Variants in EBF3 observed in about 807,000 individuals in gnomAD.
EBF3 encodes the protein EBF transcription factor 3, also known as transcription factor COE3.
In EBF3, 18 loss-of-function variants were observed where a neutral mutation model predicts 77.1. The observed-to-expected ratio is 0.23, with a 90% CI of 0.16 to 0.35. EBF3 has a LOEUF of 0.35. Ranked by LOEUF, EBF3 falls within the 10% of genes least tolerant of loss-of-function variation. The probability of loss-of-function intolerance (pLI) is 1.00; values close to 1 mark genes in which losing one functional copy is unlikely to be tolerated. For missense variants in EBF3, 558 were observed against 860.0 expected (o/e 0.65, Z 4.39); for synonymous variants, 350 against 343.5 (o/e 1.02, Z -0.21).
chr10:129,945,141 GA>G (rs1399122925), intron 6 of EBF3, among the ~76,000 whole-genome samples: 1 of 82,558 alleles, frequency 1.2e-5, no homozygotes, highest in Non-Finnish European at 2.5e-5. Context: ...GCAGGGAGGG[GA>G]GGGGAGGGGA....
intron 6 of EBF3, among the ~76,000 whole-genome samples, chr10:129,920,860 G>C (rs1352326618): frequency 6.6e-6 from 1 of 152,204 alleles, no homozygotes; most frequent in Non-Finnish European, 1.5e-5. Context: ...GGTGGGTGCA[G>C]AGGTCTCTGG....
chr10:129,953,141 A>G (rs1314148640), intron 6 of EBF3, among the ~76,000 whole-genome samples: 2 of 151,782 alleles, frequency 1.3e-5, no homozygotes, highest in East Asian at 3.9e-4. Context: ...TTAAAGGTGT[A>G]AACTTAAAAC....
At chr10:129,950,438 T>C (rs770861830) in intron 6 of EBF3, among the ~76,000 whole-genome samples, 21 of 152,294 alleles carry the variant, frequency 1.4e-4, no homozygotes, top group Admixed American at 5.2e-4. Flanking sequence ...CAAAAACAAC[T>C]AAAATAAGAG....
chr10:129,888,189 G>A (rs1332754877), intron 6 of EBF3, among the ~76,000 whole-genome samples: 4 of 152,244 alleles, frequency 2.6e-5, no homozygotes, highest in Non-Finnish European at 5.9e-5. Flanking sequence ...CCATTTTCCT[G>A]TCGGGGAGCA....
chr10:129,918,447 A>T (rs1856039927), intron 6 of EBF3, among the ~76,000 whole-genome samples: 1 of 152,240 alleles, frequency 6.6e-6, no homozygotes, highest in Admixed American at 6.5e-5. Context: ...GAGGAAGATC[A>T]GAAATCAAAG....
rs1362079372 is a variant in EBF3 at position 129,870,083 on chromosome 10, A to G, written c.782-2171T>C. On this transcript the variant is annotated intron_variant, in intron 8 of 16. Coordinates refer to ENST00000440978, the MANE Select transcript of EBF3 (RefSeq NM_001375380.1). The surrounding 1 kb of genome is among the most constrained non-coding windows in gnomAD (Gnocchi z 4.4). ...TCTACTGCATGCACAAGAGACTGCT[A>G]TCTGGCAGCTGTGGCCCAGTGGAAA... 1.3e-5 allele frequency among the ~76,000 whole-genome samples: 2 copies of G among 152,136 alleles called. No homozygotes were observed. Among genetic ancestry groups the G allele is most frequent in the Non-Finnish European group, 2.9e-5 (2 of 68,046 alleles).
chr10:129,843,123 C>A lies in EBF3; in HGVS notation c.1194+14G>T, dbSNP rs201483148. Reference sequence around the variant, plus strand: ...GGGGGGGAGGATGGGCGAGGGGAGCCGCCCTCCACCTACCTGGTTGTTGTG... The same window carrying A: ...GGGGGGGAGGATGGGCGAGGGGAGCAGCCCTCCACCTACCTGGTTGTTGTG... On this transcript the variant is annotated intron_variant, in intron 12 of 16. Coordinates refer to ENST00000440978, the MANE Select transcript of EBF3 (RefSeq NM_001375380.1). 1.1e-5 allele frequency: 17 copies of A among 1,611,124 alleles called. No individual in the cohort carries two copies. In the Admixed American group the frequency reaches 2.7e-4, roughly 25 times the overall value.
At chr10:129,843,323 G>A in intron 11 of EBF3, 121 bp from the exon 12 acceptor site, 1 of 997,604 alleles carries the variant, frequency 1.0e-6, no homozygotes, top group Non-Finnish European at 1.5e-6. Context: ...ACCCGTCCTG[G>A]CCCTGCCGTG....
intron 7 of EBF3, among the ~76,000 whole-genome samples, chr10:129,875,636 C>T (rs1478892574): frequency 3.3e-5 from 5 of 152,248 alleles, no homozygotes; most frequent in African/African-American, 4.8e-5. Flanking sequence ...TTGTTGAGGT[C>T]GCAACAGTGT....
At chr10:129,862,032 G>A (rs963600037) in intron 10 of EBF3, among the ~76,000 whole-genome samples, 3 of 152,070 alleles carry the variant, frequency 2.0e-5, no homozygotes, top group African/African-American at 7.2e-5. Flanking sequence ...GAGTGAAGTG[G>A]GACTAAATTG....
At chr10:129,868,132 C>T (rs973890911) in intron 8 of EBF3, among the ~76,000 whole-genome samples, 7 of 152,142 alleles carry the variant, frequency 4.6e-5, no homozygotes, top group South Asian at 2.1e-4. Context: ...TACTAGTGAG[C>T]GAGAAAAAAA....
In EBF3 at chr10:129,841,079, C is replaced by T. The variant is rs1383239383; in HGVS notation, c.1373-47G>A. 2 of 1,596,716 alleles carry T rather than the reference C, an allele frequency of 1.3e-6. No homozygotes were observed. Among genetic ancestry groups the T allele is most frequent in the Admixed American group, 1.7e-5 (1 of 59,062 alleles). Reference sequence around the variant, plus strand: ...CCAAAAATAACATTATTATCAGCGACAGACACTTGGGGGGGGTTCCCCGAG... The same window carrying T: ...CCAAAAATAACATTATTATCAGCGATAGACACTTGGGGGGGGTTCCCCGAG... On this transcript the variant is annotated intron_variant, in intron 13 of 16. Transcript: ENST00000440978. The surrounding 1 kb of genome is among the most constrained non-coding windows in gnomAD (Gnocchi z 4.6).
chr10:129,959,013 C>G lies in EBF3; in HGVS notation c.412-6G>C, dbSNP rs772803906. The G allele has an allele frequency of 6.3e-7, 1 of 1,597,844 alleles. No homozygotes were observed. The highest frequency in any genetic ancestry group is 1.1e-5 in the South Asian group (1 of 89,310). ...TGGCCCTCGTAGACGATGGCCTGCG[C>G]GAGGGACAAGCAGAGGCTGGGGTTA... On this transcript the variant is annotated splice_polypyrimidine_tract_variant and splice_region_variant and intron_variant, in intron 4 of 16. Transcript: ENST00000440978.
rs1436390940 is a variant in EBF3 at position 129,840,321 on chromosome 10, G to A, written c.1683C>T (p.Ser561=). 8.8e-6 allele frequency: 14 copies of A among 1,589,326 alleles called. No individual in the cohort carries two copies. The highest frequency in any genetic ancestry group is 2.3e-5 in the South Asian group (2 of 87,064). The change falls in exon 15 of 17, where the codon AGC becomes AGT. Residue 561 remains serine (S), a synonymous_variant. Coordinates refer to ENST00000440978, the MANE Select transcript of EBF3 (RefSeq NM_001375380.1). ...ANVISAVKQK[S]AFAPVVRPQA... ...GGGGCCGGACCACGGGCGCGAAGGC[G>A]CTCTTCTGTTTCACTGCGGAGATGA... is the stretch of plus-strand genomic sequence containing the variant.
intron 10 of EBF3, among the ~76,000 whole-genome samples, chr10:129,852,683 C>T (rs189573563): frequency 2.4e-4 from 37 of 152,270 alleles, no homozygotes; most frequent in Admixed American, 1.3e-3. Flanking sequence ...CAAGGGGACA[C>T]GTTCAGTACT....
chr10:129,868,642 A>G (rs529610643), intron 8 of EBF3, among the ~76,000 whole-genome samples: 149 of 151,720 alleles, frequency 9.8e-4, no homozygotes, highest in African/African-American at 3.5e-3. Flanking sequence ...CAGCAGAAGG[A>G]GGGTGCAGGG....
intron 6 of EBF3, among the ~76,000 whole-genome samples, chr10:129,909,124 G>A (rs1043707387): frequency 1.1e-4 from 17 of 152,140 alleles, no homozygotes; most frequent in African/African-American, 3.9e-4. Flanking sequence ...CTTCCCAGAG[G>A]GTGGCTCTTT....
At chr10:129,913,486 G>A (rs536016243) in intron 6 of EBF3, among the ~76,000 whole-genome samples, 1 of 152,376 alleles carries the variant, frequency 6.6e-6, no homozygotes, top group South Asian at 2.1e-4. Context: ...GAAACCATAT[G>A]TGGGCCTGAG....
chr10:129,870,652 C>A lies in EBF3; in HGVS notation c.782-2740G>T, dbSNP rs529267763. ...AAGGAACACCCTCTGCCCATCGTGA[C>A]CCCCGCCGGCTCTCCCCAGGGCCTG... is the stretch of plus-strand genomic sequence containing the variant. On this transcript the variant is annotated intron_variant, in intron 8 of 16. Transcript: ENST00000440978. This position sits in a 1 kb window ranked among gnomAD's most constrained non-coding sequence, Gnocchi z 4.4. Among the ~76,000 whole-genome samples, 1 of 152,292 alleles carries A rather than the reference C, an allele frequency of 6.6e-6. No individual in the cohort carries two copies. Among genetic ancestry groups the A allele is most frequent in the East Asian group, 1.9e-4 (1 of 5,162 alleles).
Sources: allele counts gnomAD v4.1 joint callset (sites outside exome capture counted in the v4.1 genomes callset), GRCh38; gene constraint gnomAD v4.1.1; non-coding constraint Gnocchi (gnomAD v3.1); transcripts MANE v1.5; gene names NCBI Gene and HGNC (gene_info 2026-07-23, HGNC 2026-07-21).